The following CCDC180 variants were observed in gnomAD, a reference collection of about 807,000 sequenced individuals.
CCDC180 encodes coiled-coil domain containing 180, also known as coiled-coil domain-containing protein 180.
CCDC180 carries 154 observed loss-of-function variants against 209.2 expected under a neutral mutation model. The ratio of observed to expected loss-of-function variants is 0.74; its 90% confidence interval spans 0.65 to 0.84. The LOEUF (loss-of-function observed/expected upper bound fraction) is 0.84, where lower values mean the gene tolerates loss of function less well. Ranked by LOEUF, CCDC180 falls within the 40% of genes least tolerant of loss-of-function variation. The pLI, the probability that CCDC180 is intolerant of heterozygous loss-of-function variation, is 0.00. For missense variants in CCDC180, 1,874 were observed against 1,997.3 expected (o/e 0.94, Z 1.18); for synonymous variants, 778 against 749.1 (o/e 1.04, Z -0.63).
intron 28 of CCDC180, chr9:97,363,669 A>C: frequency 2.0e-6 from 1 of 507,040 alleles, no homozygotes. Flanking sequence ...TATGAAATTC[A>C]AGTTTAAATG....
At chr9:97,360,827 A>AC (rs1482475235) in intron 26 of CCDC180, among the ~76,000 whole-genome samples, 1 of 151,582 alleles carries the variant, frequency 6.6e-6, no homozygotes, top group East Asian at 1.9e-4. Flanking sequence ...AGCCTGCATC[A>AC]CCCCCACCCC....
intron 18 of CCDC180, among the ~76,000 whole-genome samples, chr9:97,333,079 G>T (rs1038820235): frequency 1.3e-5 from 2 of 152,106 alleles, no homozygotes; most frequent in African/African-American, 2.4e-5. Flanking sequence ...ACATGAAGGG[G>T]TGTTGAATTT....
chr9:97,330,792 T>A (rs1326752943), intron 18 of CCDC180, 25 bp downstream of exon 18: 3 of 1,574,592 alleles, frequency 1.9e-6, no homozygotes. Context: ...GATTCATTCT[T>A]GGGCATAGAG....
At chr9:97,363,363 T>A (rs1173609252) in intron 28 of CCDC180, among the ~76,000 whole-genome samples, 2 of 152,198 alleles carry the variant, frequency 1.3e-5, no homozygotes, top group East Asian at 3.9e-4. Context: ...CAAATCTGAC[T>A]TAGAGCAGGC....
In CCDC180 at chr9:97,330,393, AC is replaced by A; in HGVS notation, c.1902del (p.Arg635GlufsTer6). On this transcript the variant is annotated frameshift_variant, in exon 18 of 37. Coordinates refer to ENST00000529487, the MANE Select transcript of CCDC180 (RefSeq NM_020893.6). LOFTEE classifies it high-confidence loss of function. ...GAAGCAAGGGTCTAAAGAGGACATG[AC>A]CAGAAGTGAGGAAAGCATAAGTAGT... Reference protein sequence around the residue: ...RKKQGSKEDMTRSEESISSGT... With the variant: ...RKKQGSKEDMXRSEESISSGT... 6.2e-7 allele frequency: 1 copy of A among 1,614,170 alleles called. No individual in the cohort carries two copies. The highest frequency in any genetic ancestry group is 8.5e-7 in the Non-Finnish European group (1 of 1,180,026).
chr9:97,376,457 A>G (rs1342013517), intron 36 of CCDC180: 1 of 199,374 alleles, frequency 5.0e-6, no homozygotes, highest in Non-Finnish European at 1.0e-5. Flanking sequence ...GAGAGGCCAC[A>G]GTGTGGGACA....
chr9:97,322,145 C>T (rs1201143265), intron 11 of CCDC180, among the ~76,000 whole-genome samples: 1 of 152,168 alleles, frequency 6.6e-6, no homozygotes, highest in East Asian at 1.9e-4. Context: ...GATACCTTGG[C>T]CTAGGAACTA....
chr9:97,322,222 C>T (rs567449434), intron 11 of CCDC180, among the ~76,000 whole-genome samples: 284 of 152,212 alleles, frequency 1.9e-3, no homozygotes, highest in Non-Finnish European at 1.5e-3. Flanking sequence ...GTCAACCCTC[C>T]CAGGTATCCT....
At position 97,376,889 on chromosome 9, in the gene CCDC180, G is replaced by A. The variant is rs1409762368; in HGVS notation, c.4969G>A (p.Val1657Met). Residue 1657 changes from valine to methionine, a missense_variant, in exon 37 of 37, where the codon GTG (valine) becomes ATG (methionine). Transcript: ENST00000529487. ...CCTGCACACTATCCAAGGCCTGTAT[G>A]TGTGACCCTCCGCCCCACCATGAAT... The part of the protein sequence containing the change: ...QSLHTIQGLY[V>M] 2 of 1,611,228 alleles carry A rather than the reference G, an allele frequency of 1.2e-6. No homozygotes were observed. Among genetic ancestry groups the A allele is most frequent in the East Asian group, 2.2e-5 (1 of 44,852 alleles).
intron 1 of CCDC180, 42 bp from the exon 2 acceptor site, chr9:97,307,941 G>T (rs779834161): frequency 1.3e-6 from 2 of 1,582,154 alleles, no homozygotes; most frequent in Non-Finnish European, 1.7e-6. Flanking sequence ...GTCCCGCCTG[G>T]ACCTGAACCT....
Position 97,322,929 on chromosome 9 carries a change from C to T in CCDC180, c.1248+8C>T, listed in dbSNP as rs1237945046. ...CATGTGCAGAATTGTAAGGTGGGCACCCTTCCTGCAGGCCTGAGAAGAGGA... is the reference window on the plus strand; with the variant it reads ...CATGTGCAGAATTGTAAGGTGGGCATCCTTCCTGCAGGCCTGAGAAGAGGA... On this transcript the variant is annotated splice_region_variant and intron_variant, in intron 12 of 36. Transcript: ENST00000529487. 6.2e-7 allele frequency: 1 copy of T among 1,612,392 alleles called. No homozygotes were observed. The highest frequency in any genetic ancestry group is 8.5e-7 in the Non-Finnish European group (1 of 1,178,922).
In CCDC180 at chr9:97,364,067, A is replaced by C; in HGVS notation, c.3919A>C (p.Lys1307Gln). ...GTCCCACAGCTTCACACCGCACCCC[A>C]AGCCCAACAAAATGGAGAGAAAGTA... ...TSAGSFTPHPKPNKMERKYRV... is the reference protein window; with the variant it reads ...TSAGSFTPHPQPNKMERKYRV... The change falls in exon 29 of 37, where the codon AAG becomes CAG. Residue 1307 changes from lysine (K) to glutamine (Q), a missense_variant. By Grantham distance (53) the Lys-to-Gln change is moderately conservative (BLOSUM62 1). Transcript: ENST00000529487. 3 of 1,614,048 alleles carry C rather than the reference A, an allele frequency of 1.9e-6. No individual in the cohort carries two copies. The highest frequency in any genetic ancestry group is 2.5e-6 in the Non-Finnish European group (3 of 1,179,988).
At chr9:97,328,482 C>T (rs1266076121) in intron 16 of CCDC180, among the ~76,000 whole-genome samples, 1 of 152,064 alleles carries the variant, frequency 6.6e-6, no homozygotes, top group Non-Finnish European at 1.5e-5. Flanking sequence ...CTGCAAAATC[C>T]CTCCCCAACT....
At chr9:97,314,308 C>G in intron 5 of CCDC180, 85 bp from the exon 6 acceptor site, 1 of 1,515,856 alleles carries the variant, frequency 6.6e-7, no homozygotes, top group Non-Finnish European at 9.1e-7. Flanking sequence ...TAGAACCATG[C>G]CTGGCACTTC....
At chr9:97,343,625 A>T in intron 19 of CCDC180, 62 bp downstream of exon 19, 1 of 1,189,832 alleles carries the variant, frequency 8.4e-7, no homozygotes, top group Non-Finnish European at 1.2e-6. Flanking sequence ...AAGGTGAAAT[A>T]TTAAAAAAAA....
Position 97,363,934 on chromosome 9 carries a change from C to T in CCDC180, c.3903-117C>T, listed in dbSNP as rs1314650023. On this transcript the variant is annotated intron_variant, in intron 28 of 36. Coordinates refer to ENST00000529487, the MANE Select transcript of CCDC180 (RefSeq NM_020893.6). ...GGGCTAGGCCCTAGAAATGGAAGTC[C>T]GGTTGCCCACGGGCAGGCCCAATGC... The T allele has an allele frequency of 5.1e-5, 45 of 890,678 alleles. No homozygotes were observed. In the East Asian group the frequency reaches 7.4e-4, roughly 15 times the overall value. 55.2% of individuals were successfully genotyped at this position (890,678 alleles called of 1,614,324 possible).
chr9:97,364,283 G>C (rs1249618835), intron 29 of CCDC180, 155 bp downstream of exon 29: 1 of 607,946 alleles, frequency 1.6e-6, no homozygotes, highest in Admixed American at 3.6e-5. Flanking sequence ...AGGTCAGTTT[G>C]TCTCAGCCCA....
At chr9:97,334,893 A>G (rs1327732207) in intron 18 of CCDC180, among the ~76,000 whole-genome samples, 1 of 152,174 alleles carries the variant, frequency 6.6e-6, no homozygotes, top group Non-Finnish European at 1.5e-5. Flanking sequence ...CTTACTTTGA[A>G]TGGTTATCCA....
chr9:97,354,906 C>A lies in CCDC180; in HGVS notation c.3162C>A (p.Ile1054=), dbSNP rs1474135844. The A allele has an allele frequency of 6.2e-7, 1 of 1,613,332 alleles. No homozygotes were observed. The highest frequency in any genetic ancestry group is 1.1e-5 in the South Asian group (1 of 91,070). Residue 1054 remains isoleucine (I), a synonymous_variant, in exon 24 of 37, where the codon ATC becomes ATA. Coordinates refer to ENST00000529487, the MANE Select transcript of CCDC180 (RefSeq NM_020893.6). ...TCTCTGTACAGGCCAATGATGTCAT[C>A]AACAAGTTTGAAAGCAAATTCCATA... ...NEYLDQANDV[I]NKFESKFHNL...
Sources: allele counts gnomAD v4.1 joint callset (sites outside exome capture counted in the v4.1 genomes callset), GRCh38; gene constraint gnomAD v4.1.1; transcripts MANE v1.5; gene names NCBI Gene and HGNC (gene_info 2026-07-23, HGNC 2026-07-21).